GPHN: variants seen among roughly 807,000 people sequenced by gnomAD.
GPHN encodes gephyrin.
In GPHN, 17 loss-of-function variants were observed where a neutral mutation model predicts 95.5. The observed-to-expected ratio is 0.18, with a 90% confidence interval of 0.12 to 0.27. The LOEUF is 0.27. Among genes scored for constraint, GPHN ranks in the 10% least tolerant of loss-of-function variants. The pLI is 1.00. For missense variants in GPHN, 660 were observed against 978.1 expected (o/e 0.67, Z 4.34); for synonymous variants, 320 against 322.5 (o/e 0.99, Z 0.08).
At chr14:67,180,291 A>G (rs1472876167) in intron 22 of GPHN, among the ~76,000 whole-genome samples, 1 of 152,228 alleles carries the variant, frequency 6.6e-6, no homozygotes, top group East Asian at 1.9e-4. Flanking sequence ...GACTAAGTTC[A>G]TGGGCTTTGC....
chr14:66,881,857 A>G (rs577931225), intron 5 of GPHN, among the ~76,000 whole-genome samples: 2 of 151,876 alleles, frequency 1.3e-5, no homozygotes, highest in East Asian at 3.9e-4. Context: ...AAATTAATAC[A>G]TATAAGCAGC....
At chr14:66,701,574 C>T (rs967212992) in intron 2 of GPHN, among the ~76,000 whole-genome samples, 16 of 152,154 alleles carry the variant, frequency 1.1e-4, no homozygotes, top group African/African-American at 2.9e-4. Context: ...GGCAGGGTAG[C>T]CCCTACCCCG....
intron 5 of GPHN, among the ~76,000 whole-genome samples, chr14:66,906,351 T>A (rs2065380167): frequency 6.6e-6 from 1 of 152,176 alleles, no homozygotes; most frequent in Non-Finnish European, 1.5e-5. Flanking sequence ...TCCCATGGGT[T>A]AAGGCAGGGA....
chr14:67,646,457 CT>C, the GPHN span: 11 of 568,806 alleles, frequency 1.9e-5, no homozygotes, highest in Non-Finnish European at 3.5e-5. Context: ...TGTTCCTCAG[CT>C]GCCCTTCTGA....
chr14:67,120,564 A>C (rs977308134), intron 16 of GPHN, among the ~76,000 whole-genome samples: 6 of 152,236 alleles, frequency 3.9e-5, no homozygotes, highest in African/African-American at 1.4e-4. Context: ...TAAATAGCAA[A>C]GAAAACACCC....
At chr14:67,212,853 AG>A in the GPHN span, among the ~76,000 whole-genome samples, 1 of 151,442 alleles carries the variant, frequency 6.6e-6, no homozygotes. Flanking sequence ...TAGCTGCTTG[AG>A]CACTGCATTT....
chr14:67,190,777 T>C, the GPHN span, among the ~76,000 whole-genome samples: 3 of 152,218 alleles, frequency 2.0e-5, no homozygotes, highest in Admixed American at 2.0e-4. Context: ...CCTAGAATTG[T>C]GCTGGACCTA....
the GPHN span, chr14:67,642,204 T>C: frequency 1.2e-6 from 2 of 1,614,034 alleles, no homozygotes; most frequent in African/African-American, 1.3e-5. Flanking sequence ...CTAAAAGACT[T>C]TGGAGATTTG....
intron 5 of GPHN, among the ~76,000 whole-genome samples, chr14:66,904,373 A>G (rs1454641951): frequency 6.6e-6 from 1 of 152,052 alleles, no homozygotes; most frequent in East Asian, 1.9e-4. Flanking sequence ...TGTCCATTTT[A>G]CAGAGGGCTG....
the GPHN span, among the ~76,000 whole-genome samples, chr14:67,446,274 A>G: frequency 6.6e-6 from 1 of 152,240 alleles, no homozygotes; most frequent in African/African-American, 2.4e-5. Context: ...CCCCAAGAGC[A>G]GAATTCCATG....
At chr14:67,592,912 A>G in the GPHN span, 1 of 445,334 alleles carries the variant, frequency 2.2e-6, no homozygotes, top group Non-Finnish European at 4.1e-6. Context: ...CAGCCTCCCA[A>G]GTAGCTGGGA....
At chr14:67,563,043 C>CCA in the GPHN span, 1 of 752,492 alleles carries the variant, frequency 1.3e-6, no homozygotes, top group South Asian at 1.9e-5. Flanking sequence ...CCTGTGCAGA[C>CCA]CACACAACCA....
chr14:66,855,821 T>G (rs1281580838), intron 4 of GPHN, among the ~76,000 whole-genome samples: 1 of 152,096 alleles, frequency 6.6e-6, no homozygotes, highest in Non-Finnish European at 1.5e-5. Context: ...AGTTCATTCT[T>G]ACTGCTTAAT....
chr14:67,709,057 C>T, the GPHN span, among the ~76,000 whole-genome samples: 4 of 152,170 alleles, frequency 2.6e-5, no homozygotes, highest in Non-Finnish European at 5.9e-5. Flanking sequence ...TCCCAAAGTG[C>T]TGGGATTACA....
At chr14:66,666,002 C>G (rs544486144) in intron 1 of GPHN, among the ~76,000 whole-genome samples, 1 of 142,654 alleles carries the variant, frequency 7.0e-6, no homozygotes, top group East Asian at 2.1e-4. Context: ...ATCGCAAGGA[C>G]AAAAAACCAA....
rs535451871 is a variant in GPHN, at chr14:66,743,626, C to T, written c.144-32838C>T. On this transcript the variant is annotated intron_variant, in intron 2 of 22. Transcript: ENST00000478722. ...GCGTGGTGGCTGGTGCCTGCAGTCC[C>T]AGCTACTTGGGAGGCTGAGGCGGGA... is the stretch of plus-strand genomic sequence containing the variant. Among the ~76,000 whole-genome samples the T allele has an allele frequency of 6.6e-5, 10 of 152,222 alleles. No individual in the cohort carries two copies. In the South Asian group the frequency reaches 1.0e-3, roughly 16 times the overall value.
In GPHN at chr14:66,727,322, A is replaced by G. The variant is rs566895516; in HGVS notation, c.143+46137A>G. 7.9e-5 allele frequency among the ~76,000 whole-genome samples: 12 copies of G among 152,316 alleles called. 2 individuals are homozygous for G. Among genetic ancestry groups the G allele is most frequent in the African/African-American group, 2.9e-4 (12 of 41,562 alleles). On this transcript the variant is annotated intron_variant, in intron 2 of 22. Coordinates refer to ENST00000478722, the MANE Select transcript of GPHN (RefSeq NM_020806.5). ...TTTATCAACAGCATGAAAATGGACT[A>G]ATGCAGTAAATTGGTACCAGTAGTG...
the GPHN span, chr14:67,392,828 A>C: frequency 6.2e-7 from 1 of 1,612,844 alleles, no homozygotes; most frequent in East Asian, 2.2e-5. Flanking sequence ...GTTGGAGATG[A>C]GCCAGTCCAC....
At chr14:66,698,117 TAA>T (rs998216082) in intron 2 of GPHN, among the ~76,000 whole-genome samples, 1 of 152,240 alleles carries the variant, frequency 6.6e-6, no homozygotes, top group Admixed American at 6.5e-5. Flanking sequence ...AATAGTTATT[TAA>T]ATAATAATAC....
Sources: gnomAD v4.1 joint callset for allele counts (sites outside exome capture counted in the v4.1 genomes callset) on GRCh38, gnomAD v4.1.1 for gene constraint, MANE v1.5 for transcripts, NCBI Gene and HGNC (gene_info 2026-07-23, HGNC 2026-07-21) for gene names.